Variants in GRK4 observed in about 807,000 individuals in gnomAD.
GRK4 encodes G protein-coupled receptor kinase 4.
A neutral mutation model predicts 77.9 loss-of-function variants in GRK4; 73 were observed. The ratio of observed to expected loss-of-function variants is 0.94; its 90% CI spans 0.78 to 1.14. GRK4 has a LOEUF of 1.14. Among genes scored for constraint, GRK4 ranks in the 50% most tolerant of loss-of-function variants. GRK4 has a pLI of 0.00. For missense variants in GRK4, 729 were observed against 700.2 expected (o/e 1.04, Z -0.46); for synonymous variants, 257 against 254.4 (o/e 1.01, Z -0.10).
rs2109824604 is a variant in GRK4, at chr4:3,004,312, A to G, written c.421A>G (p.Lys141Glu). 1 of 1,611,960 alleles carries G rather than the reference A, an allele frequency of 6.2e-7. No individual in the cohort carries two copies. The highest frequency in any genetic ancestry group is 2.2e-5 in the East Asian group (1 of 44,860). The part of the protein sequence containing the change: ...LGLKEENPSK[K>E]AFEECTRVAH... ...ACTGAAGGAGGAGAACCCTTCCAAAAAAGCCTTTGAGGAATGTACTAGGTA... is the reference window on the plus strand; with the variant it reads ...ACTGAAGGAGGAGAACCCTTCCAAAGAAGCCTTTGAGGAATGTACTAGGTA... The change falls in exon 5 of 16, where the codon AAA becomes GAA. Residue 141 changes from lysine to glutamate, a missense_variant. Lys to Glu is a moderately conservative substitution (Grantham distance 56). Coordinates refer to ENST00000398052, the MANE Select transcript of GRK4 (RefSeq NM_182982.3).
At chr4:2,973,408 T>TGCAGGCTGG (rs1450411666) in intron 1 of GRK4, among the ~76,000 whole-genome samples, 1 of 152,178 alleles carries the variant, frequency 6.6e-6, no homozygotes, top group Non-Finnish European at 1.5e-5. Flanking sequence ...AGTTCACGCC[T>TGCAGGCTGG]GCAGGCTGGG....
At chr4:2,986,002 A>AAG (rs1724236493) in intron 2 of GRK4, among the ~76,000 whole-genome samples, 2 of 151,596 alleles carry the variant, frequency 1.3e-5, no homozygotes, top group African/African-American at 4.8e-5. Flanking sequence ...AAAAAAAAAA[A>AAG]AAGAAGTCAG....
At chr4:2,986,909 C>T (rs2488815) in intron 2 of GRK4, 121,311 of 300,206 alleles carry the variant, frequency 0.4, 26,715 homozygotes, top group African/African-American at 0.6. Context: ...TTGTTGTAAC[C>T]CCCCCATTGT....
chr4:2,972,860 G>A (rs117380436), intron 1 of GRK4, among the ~76,000 whole-genome samples: 1 of 152,070 alleles, frequency 6.6e-6, no homozygotes, highest in African/African-American at 2.4e-5. Context: ...TCAGCGTCCC[G>A]AGTAGCTAAG....
intron 1 of GRK4, among the ~76,000 whole-genome samples, chr4:2,983,720 G>A (rs553983798): frequency 6.6e-6 from 1 of 152,154 alleles, no homozygotes; most frequent in Non-Finnish European, 1.5e-5. Context: ...TTGTGCACCT[G>A]TCTCCCTGTA....
chr4:3,013,240 C>A (rs562698560), intron 7 of GRK4, among the ~76,000 whole-genome samples: 1 of 151,780 alleles, frequency 6.6e-6, no homozygotes, highest in Non-Finnish European at 1.5e-5. Flanking sequence ...TTCGTAGAGA[C>A]GGGGTGTCGC....
intron 1 of GRK4, 29 bp downstream of exon 1, chr4:2,964,151 C>CCT (rs1227399299): frequency 6.4e-6 from 10 of 1,560,162 alleles, no homozygotes; most frequent in Non-Finnish European, 8.7e-6. Context: ...CCCCCGACCC[C>CCT]CCCCCCAGAG....
chr4:2,999,308 G>T (rs963308767), intron 4 of GRK4, among the ~76,000 whole-genome samples: 7 of 152,060 alleles, frequency 4.6e-5, no homozygotes, highest in African/African-American at 1.7e-4. Flanking sequence ...CCGCAATGCC[G>T]CAACAATAAC....
chr4:2,974,300 T>C (rs1720462424), intron 1 of GRK4, among the ~76,000 whole-genome samples: 1 of 152,264 alleles, frequency 6.6e-6, no homozygotes. Context: ...TGTTCACTGC[T>C]GTATTTTTCA....
At chr4:2,992,333 A>G (rs764646938) in intron 4 of GRK4, 41 bp downstream of exon 4, 9 of 1,258,002 alleles carry the variant, frequency 7.2e-6, no homozygotes, top group Non-Finnish European at 1.0e-5. Flanking sequence ...TAGATAAATA[A>G]TTAGAGTGCA....
intron 10 of GRK4, among the ~76,000 whole-genome samples, chr4:3,027,521 T>C (rs1214811371): frequency 6.6e-6 from 1 of 152,266 alleles, no homozygotes; most frequent in Non-Finnish European, 1.5e-5. Context: ...TGTCCCTGTG[T>C]ATAGTACTGG....
At chr4:3,028,607 T>A (rs979919776) in intron 11 of GRK4, among the ~76,000 whole-genome samples, 1 of 152,270 alleles carries the variant, frequency 6.6e-6, no homozygotes, top group African/African-American at 2.4e-5. Context: ...AATGTGACTC[T>A]GTGGCAATTC....
At chr4:3,009,527 G>A (rs1732282554) in intron 6 of GRK4, 121 bp from the exon 7 acceptor site, 5 of 667,476 alleles carry the variant, frequency 7.5e-6, no homozygotes, top group South Asian at 3.8e-5. Context: ...CCTTTGTCCC[G>A]GGCATCCCCT....
chr4:2,975,164 G>C (rs1191119971), intron 1 of GRK4, among the ~76,000 whole-genome samples: 1 of 152,150 alleles, frequency 6.6e-6, no homozygotes, highest in African/African-American at 2.4e-5. Flanking sequence ...TTAGCTGGGC[G>C]TGGTTGCGCG....
chr4:3,031,180 A>C (rs747102037), intron 12 of GRK4, among the ~76,000 whole-genome samples: 8 of 152,160 alleles, frequency 5.3e-5, no homozygotes, highest in Non-Finnish European at 1.2e-4. Flanking sequence ...GTGTGTGGGC[A>C]GTTCCTCCAG....
chr4:2,985,333 G>A (rs1007814589), intron 2 of GRK4, among the ~76,000 whole-genome samples: 2 of 150,968 alleles, frequency 1.3e-5, no homozygotes, highest in Non-Finnish European at 2.9e-5. Flanking sequence ...ACCGGGAGGC[G>A]GAGCTTGCAG....
intron 8 of GRK4, among the ~76,000 whole-genome samples, chr4:3,019,389 G>A (rs1048997340): frequency 6.6e-6 from 1 of 152,176 alleles, no homozygotes; most frequent in African/African-American, 2.4e-5. Flanking sequence ...AAGTATCTTG[G>A]TGAAGTTTCG....
intron 1 of GRK4, among the ~76,000 whole-genome samples, chr4:2,981,042 GC>G (rs1369018232): frequency 6.6e-6 from 1 of 152,252 alleles, no homozygotes; most frequent in African/African-American, 2.4e-5. Context: ...TGTGGCTGTG[GC>G]TAGACCAAGC....
At chr4:2,964,923 C>G (rs149348461) in intron 1 of GRK4, among the ~76,000 whole-genome samples, 3 of 152,108 alleles carry the variant, frequency 2.0e-5, no homozygotes, top group South Asian at 4.1e-4. Context: ...CCAGACACCC[C>G]CCTTCCAGAG....
Sources: allele counts gnomAD v4.1 joint callset (sites outside exome capture counted in the v4.1 genomes callset), GRCh38; gene constraint gnomAD v4.1.1; transcripts MANE v1.5; gene names NCBI Gene and HGNC (gene_info 2026-07-23, HGNC 2026-07-21).